PPHLN1: variants seen among roughly 807,000 people sequenced by gnomAD.
PPHLN1 encodes the protein periphilin-1.
In PPHLN1, 29 loss-of-function variants were observed where a neutral mutation model predicts 51.3. The observed-to-expected ratio is 0.57, with a 90% confidence interval of 0.42 to 0.77. The LOEUF is 0.77. Among genes scored for constraint, PPHLN1 ranks in the 30% least tolerant of loss-of-function variants. PPHLN1 has a pLI of 0.00. For missense variants in PPHLN1, 436 were observed against 438.4 expected (o/e 0.99, Z 0.05); for synonymous variants, 147 against 147.8 (o/e 0.99, Z 0.04).
intron 4 of PPHLN1, among the ~76,000 whole-genome samples, chr12:42,368,957 T>C (rs947037655): frequency 6.6e-6 from 1 of 152,222 alleles, no homozygotes; most frequent in Non-Finnish European, 1.5e-5. Flanking sequence ...TTGAAAACTT[T>C]CAGGACGTGC....
intron 9 of PPHLN1, among the ~76,000 whole-genome samples, chr12:42,412,448 A>G (rs2079958867): frequency 6.6e-6 from 1 of 151,920 alleles, no homozygotes; most frequent in Non-Finnish European, 1.5e-5. Context: ...ACAGCTGAAT[A>G]GTATTCCGTG....
At chr12:42,411,632 C>T (rs889004165) in intron 9 of PPHLN1, among the ~76,000 whole-genome samples, 55 of 152,116 alleles carry the variant, frequency 3.6e-4, no homozygotes, top group Admixed American at 3.0e-3. Context: ...AGGCTGGGCG[C>T]GGTGGCTCAT....
chr12:42,403,008 G>A (rs2078975089), intron 9 of PPHLN1, among the ~76,000 whole-genome samples: 1 of 152,174 alleles, frequency 6.6e-6, no homozygotes, highest in Non-Finnish European at 1.5e-5. Flanking sequence ...GTACAGTCTT[G>A]AAAATGTTAA....
At chr12:42,444,621 G>A (rs199961394), downstream of PPHLN1, 185 of 162,314 alleles carry the variant, frequency 1.1e-3, 2 homozygotes, top group South Asian at 0.027. Context: ...TACAGACAGC[G>A]GATGATGCCA....
chr12:42,438,596 T>G (rs913328679), intron 9 of PPHLN1, among the ~76,000 whole-genome samples: 4 of 152,096 alleles, frequency 2.6e-5, no homozygotes, highest in African/African-American at 7.2e-5. Context: ...TGTTTTTTTG[T>G]TTTTTGTTTT....
intron 9 of PPHLN1, among the ~76,000 whole-genome samples, chr12:42,421,322 GTGAA>G (rs2080984749): frequency 6.6e-6 from 1 of 151,962 alleles, no homozygotes; most frequent in African/African-American, 2.4e-5. Context: ...GAAAGACTCT[GTGAA>G]AACTATCTTT....
At chr12:42,446,721 T>G (rs1049291464), downstream of PPHLN1, 2 of 1,449,648 alleles carry the variant, frequency 1.4e-6, no homozygotes, top group African/African-American at 2.8e-5. Flanking sequence ...ATGGTCAGGT[T>G]GGTAGGAGAA....
chr12:42,442,911 G>A (rs910081187), downstream of PPHLN1: 42 of 1,063,044 alleles, frequency 4.0e-5, no homozygotes, highest in Middle Eastern at 3.2e-4. Context: ...AAGGGACCCA[G>A]TGCAAACTGT....
chr12:42,428,460 A>C (rs1192087604), intron 9 of PPHLN1, among the ~76,000 whole-genome samples: 1 of 152,208 alleles, frequency 6.6e-6, no homozygotes, highest in Non-Finnish European at 1.5e-5. Context: ...TGGCATTTGG[A>C]ATGAGCGGGG....
intron 4 of PPHLN1, among the ~76,000 whole-genome samples, chr12:42,362,233 GT>G (rs1161612251): frequency 2.6e-5 from 4 of 151,766 alleles, no homozygotes; most frequent in African/African-American, 9.7e-5. Context: ...TTTTAACTGG[GT>G]TTTTTGTCTT....
chr12:42,388,987 C>T (rs191779810), intron 7 of PPHLN1, among the ~76,000 whole-genome samples: 1 of 152,192 alleles, frequency 6.6e-6, no homozygotes, highest in African/African-American at 2.4e-5. Context: ...GCCGGTAATC[C>T]CAGCACTTTG....
At chr12:42,384,732 A>G (rs2077047838) in intron 5 of PPHLN1, among the ~76,000 whole-genome samples, 1 of 152,154 alleles carries the variant, frequency 6.6e-6, no homozygotes, top group African/African-American at 2.4e-5. Context: ...CTTGCCTTAA[A>G]TGGAGATTTT....
chr12:42,391,863 A>G (rs2077747112), intron 7 of PPHLN1, among the ~76,000 whole-genome samples: 1 of 152,166 alleles, frequency 6.6e-6, no homozygotes, highest in Non-Finnish European at 1.5e-5. Context: ...GTAGATGGCT[A>G]GCCAGTAGTT....
downstream of PPHLN1, chr12:42,446,760 CG>C: frequency 9.2e-7 from 1 of 1,089,942 alleles, no homozygotes. Context: ...ATTGGAAGGT[CG>C]GGAGGTTTTC....
intron 5 of PPHLN1, among the ~76,000 whole-genome samples, chr12:42,379,973 A>G (rs2138896312): frequency 6.6e-6 from 1 of 152,178 alleles, no homozygotes; most frequent in East Asian, 1.9e-4. Flanking sequence ...TTGCTATTCA[A>G]CAATTATGAT....
In PPHLN1 at chr12:42,371,600, G is replaced by A. The variant is rs76291115; in HGVS notation, c.300-3263G>A. Among the ~76,000 whole-genome samples, 663 of 152,216 alleles carry A rather than the reference G, an allele frequency of 4.4e-3. 8 individuals carry two copies. Among genetic ancestry groups the A allele is most frequent in the African/African-American group, 0.015 (636 of 41,544 alleles). ...TCTGTTACTGCTTTTTCTAAAGTTT[G>A]TGATGCTTTTCCCACCATCTAAATC... On this transcript the variant is annotated intron_variant, in intron 4 of 9. Coordinates refer to ENST00000358314, the MANE Select transcript of PPHLN1 (RefSeq NM_201439.2).
chr12:42,438,495 A>G (rs1027025266), intron 9 of PPHLN1, among the ~76,000 whole-genome samples: 1 of 152,064 alleles, frequency 6.6e-6, no homozygotes, highest in African/African-American at 2.4e-5. Context: ...ATGTTGAACA[A>G]TTTTTCATAT....
intron 2 of PPHLN1, among the ~76,000 whole-genome samples, chr12:42,348,483 T>C (rs1296460748): frequency 6.6e-6 from 1 of 152,138 alleles, no homozygotes; most frequent in Non-Finnish European, 1.5e-5. Flanking sequence ...TTTTTCTAAA[T>C]AAGTAACTAA....
chr12:42,360,458 CTTTTTTTTTTTTTTTTT>C (rs71084642), intron 4 of PPHLN1, among the ~76,000 whole-genome samples: 3 of 56,292 alleles, frequency 5.3e-5, no homozygotes, highest in African/African-American at 1.5e-4. Context: ...ATGCTGAATT[CTTTTTTTTTTTTTTTTT>C]TTTTTTTTTT....
Sources: allele counts gnomAD v4.1 joint callset (sites outside exome capture counted in the v4.1 genomes callset), GRCh38; gene constraint gnomAD v4.1.1; transcripts MANE v1.5; gene names NCBI Gene and HGNC (gene_info 2026-07-23, HGNC 2026-07-21).